Variants in OXR1 observed in about 807,000 individuals in gnomAD.
OXR1 encodes the protein oxidation resistance protein 1.
A neutral mutation model predicts 104.6 loss-of-function variants in OXR1; 41 were observed. The ratio of observed to expected loss-of-function variants is 0.39; its 90% CI spans 0.31 to 0.51. OXR1 has a LOEUF of 0.51. Ranked by LOEUF, OXR1 falls within the 20% of genes least tolerant of loss-of-function variation. The probability of loss-of-function intolerance (pLI) is 0.77; values close to 1 mark genes in which losing one functional copy is unlikely to be tolerated. For synonymous variants in OXR1, 348 were observed against 348.4 expected, an observed-to-expected ratio of 1.00 and a Z score of 0.01; for missense variants, 955 against 1,031.9, an observed-to-expected ratio of 0.93 and a Z score of 1.02.
intron 2 of OXR1, among the ~76,000 whole-genome samples, chr8:106,454,520 T>C (rs1366162353): frequency 6.6e-6 from 1 of 151,762 alleles, no homozygotes; most frequent in Non-Finnish European, 1.5e-5. Flanking sequence ...AGTAATTTTA[T>C]TTCAAGTTGC....
chr8:106,447,894 G>C (rs1283663994), intron 2 of OXR1: 6 of 1,502,780 alleles, frequency 4.0e-6, no homozygotes, highest in Non-Finnish European at 5.3e-6. Flanking sequence ...CCCAACAGCC[G>C]GGCTCCTGGC....
chr8:106,336,638 C>T (rs989589752), intron 1 of OXR1, among the ~76,000 whole-genome samples: 1 of 152,198 alleles, frequency 6.6e-6, no homozygotes, highest in Admixed American at 6.5e-5. Flanking sequence ...CCTCTACCCA[C>T]TAAATCTTTT....
intron 2 of OXR1, among the ~76,000 whole-genome samples, chr8:106,386,565 C>G (rs1416076207): frequency 6.6e-6 from 1 of 152,132 alleles, no homozygotes; most frequent in Non-Finnish European, 1.5e-5. Context: ...CCAATCAATT[C>G]TGGAAAAGCA....
intron 3 of OXR1, among the ~76,000 whole-genome samples, 155 bp from the exon 4 acceptor site, chr8:106,679,055 T>A (rs370049679): frequency 7.9e-5 from 12 of 152,024 alleles, no homozygotes; most frequent in Non-Finnish European, 1.5e-4. Flanking sequence ...GTTCCTTTTT[T>A]TTGACAGTTG....
chr8:106,503,326 G>C (rs1213378465), intron 2 of OXR1, among the ~76,000 whole-genome samples: 1 of 152,132 alleles, frequency 6.6e-6, no homozygotes, highest in Non-Finnish European at 1.5e-5. Context: ...CTAAAACTGA[G>C]AAGGTACCTT....
At chr8:106,610,538 C>A (rs1239851749) in intron 3 of OXR1, among the ~76,000 whole-genome samples, 1 of 152,204 alleles carries the variant, frequency 6.6e-6, no homozygotes, top group Non-Finnish European at 1.5e-5. Context: ...TCATCTCTCT[C>A]CTCTCATCCT....
intron 3 of OXR1, among the ~76,000 whole-genome samples, chr8:106,543,956 A>G (rs1275239124): frequency 6.6e-6 from 1 of 152,210 alleles, no homozygotes; most frequent in Non-Finnish European, 1.5e-5. Flanking sequence ...TACTATTAGG[A>G]GAATTTGGAA....
At chr8:106,359,765 T>C in intron 2 of OXR1, 129 bp downstream of exon 2, 2 of 707,604 alleles carry the variant, frequency 2.8e-6, no homozygotes, top group Non-Finnish European at 5.0e-6. Context: ...AAGATTATTG[T>C]CCCATGTTAG....
chr8:106,718,842 A>T (rs1563743196), intron 11 of OXR1, among the ~76,000 whole-genome samples: 1 of 151,682 alleles, frequency 6.6e-6, no homozygotes, highest in Non-Finnish European at 1.5e-5. Flanking sequence ...CCACCTCAAA[A>T]AAAAAAAAAA....
intron 1 of OXR1, among the ~76,000 whole-genome samples, chr8:106,288,567 A>G (rs1812599527): frequency 6.9e-6 from 1 of 145,050 alleles, no homozygotes; most frequent in Non-Finnish European, 1.5e-5. Flanking sequence ...GTGTATATAT[A>G]TGGTGTGTAT....
chr8:106,313,450 G>A (rs986566505), intron 1 of OXR1, among the ~76,000 whole-genome samples: 3 of 152,074 alleles, frequency 2.0e-5, no homozygotes, highest in Non-Finnish European at 4.4e-5. Context: ...GTTTTCCATG[G>A]TTGTTTGATT....
intron 1 of OXR1, among the ~76,000 whole-genome samples, chr8:106,325,433 T>C (rs1045429324): frequency 1.3e-5 from 2 of 152,226 alleles, no homozygotes; most frequent in Non-Finnish European, 2.9e-5. Flanking sequence ...TGAGATTTCC[T>C]AGTTTTTTTA....
At chr8:106,546,588 A>G (rs1412204889) in intron 3 of OXR1, among the ~76,000 whole-genome samples, 1 of 152,232 alleles carries the variant, frequency 6.6e-6, no homozygotes, top group Non-Finnish European at 1.5e-5. Context: ...GAAAAGAGGA[A>G]GGGTATGGTC....
At chr8:106,493,142 G>A (rs1811205887) in intron 2 of OXR1, among the ~76,000 whole-genome samples, 1 of 152,072 alleles carries the variant, frequency 6.6e-6, no homozygotes, top group Admixed American at 6.6e-5. Flanking sequence ...ACAGCTATAT[G>A]GGTAGCTAAC....
chr8:106,680,299 A>T lies in OXR1; in HGVS notation c.303+1007A>T, dbSNP rs528688696. ...TCTGCATAATTGAGAAAATAAGTTC[A>T]AATAAGTTTTTTATAGGTAACCTTT... On this transcript the variant is annotated intron_variant, in intron 4 of 16. Coordinates refer to ENST00000517566, the MANE Select transcript of OXR1 (RefSeq NM_001198533.2). 2.6e-4 allele frequency among the ~76,000 whole-genome samples: 40 copies of T among 152,274 alleles called. No individual in the cohort carries two copies. In the South Asian group the frequency reaches 8.3e-3, roughly 32 times the overall value.
At chr8:106,276,732 GCTGTTAGATT>G (rs1812056164) in intron 1 of OXR1, among the ~76,000 whole-genome samples, 1 of 142,576 alleles carries the variant, frequency 7.0e-6, no homozygotes, top group Non-Finnish European at 1.5e-5. Context: ...TCTCCTTTCA[GCTGTTAGATT>G]CTGTTAGAGG....
intron 1 of OXR1, among the ~76,000 whole-genome samples, chr8:106,283,421 C>G (rs559850216): frequency 1.3e-5 from 2 of 152,086 alleles, no homozygotes; most frequent in Non-Finnish European, 2.9e-5. Flanking sequence ...CCAGAAGGAC[C>G]GACGTCAAAC....
intron 3 of OXR1, among the ~76,000 whole-genome samples, chr8:106,607,299 G>A (rs1820474856): frequency 6.6e-6 from 1 of 152,170 alleles, no homozygotes; most frequent in African/African-American, 2.4e-5. Flanking sequence ...GTGTGCCTCT[G>A]AAAACATCTC....
At chr8:106,344,778 T>C (rs1275147294) in intron 1 of OXR1, among the ~76,000 whole-genome samples, 1 of 152,246 alleles carries the variant, frequency 6.6e-6, no homozygotes, top group Non-Finnish European at 1.5e-5. Context: ...AACACTCTTG[T>C]ATTCCTTTCC....
Sources: gnomAD v4.1 joint callset for allele counts (sites outside exome capture counted in the v4.1 genomes callset) on GRCh38, gnomAD v4.1.1 for gene constraint, MANE v1.5 for transcripts, NCBI Gene and HGNC (gene_info 2026-07-23, HGNC 2026-07-21) for gene names.